The following SBF2 variants were observed in gnomAD, a reference collection of about 807,000 sequenced individuals.
The protein encoded by SBF2 is myotubularin-related protein 13.
A neutral mutation model predicts 225.2 loss-of-function variants in SBF2; 112 were observed. The observed-to-expected ratio is 0.50, with a 90% confidence interval of 0.43 to 0.58. The LOEUF is 0.58. SBF2 is among the 20% of genes least tolerant of loss of function. SBF2 has a pLI of 0.00. For synonymous variants in SBF2, 763 were observed against 773.3 expected, an observed-to-expected ratio of 0.99 and a Z score of 0.22; for missense variants, 1,996 against 2,206.2, an observed-to-expected ratio of 0.90 and a Z score of 1.91.
chr11:10,161,184 C>CA (rs56779207), intron 2 of SBF2, among the ~76,000 whole-genome samples: 8,010 of 75,124 alleles, frequency 0.11, 445 homozygotes, highest in Non-Finnish European at 0.13. Flanking sequence ...GACTCTGTCT[C>CA]AAAAAAAAAA....
intron 1 of SBF2, among the ~76,000 whole-genome samples, chr11:10,250,314 G>T (rs1037749369): frequency 6.6e-6 from 1 of 152,140 alleles, no homozygotes; most frequent in East Asian, 1.9e-4. Flanking sequence ...CTAAATTGTA[G>T]AAACAAGTGG....
At chr11:9,839,467 A>C (rs960856427) in intron 26 of SBF2, 31 bp downstream of exon 26, 1 of 1,598,822 alleles carries the variant, frequency 6.3e-7, no homozygotes, top group Non-Finnish European at 8.6e-7. Flanking sequence ...AGGAAGGAAG[A>C]CCTCTTTTTG....
intron 1 of SBF2, among the ~76,000 whole-genome samples, chr11:10,243,105 A>G (rs1959389821): frequency 1.3e-5 from 2 of 152,192 alleles, no homozygotes; most frequent in Admixed American, 6.5e-5. Context: ...CCTAACAAAT[A>G]TAAGAAGTTT....
At chr11:9,908,024 C>T (rs751643628) in intron 16 of SBF2, among the ~76,000 whole-genome samples, 4 of 152,138 alleles carry the variant, frequency 2.6e-5, no homozygotes, top group Non-Finnish European at 5.9e-5. Flanking sequence ...GTTCTCTTGC[C>T]TCTCAAGTAA....
chr11:10,293,990 G>A (rs1964349921), intron 1 of SBF2, 25 bp downstream of exon 1: 1 of 1,330,154 alleles, frequency 7.5e-7, no homozygotes, highest in East Asian at 3.2e-5. Context: ...GGAGGCCCGG[G>A]GGCGGTGCCG....
At chr11:9,853,368 T>A (rs1393555773) in intron 20 of SBF2, among the ~76,000 whole-genome samples, 172 bp downstream of exon 20, 1 of 152,238 alleles carries the variant, frequency 6.6e-6, no homozygotes, top group Non-Finnish European at 1.5e-5. Context: ...ACACTTAGAT[T>A]ATTTTATGTT....
rs1964361037 is a variant in SBF2 at position 10,294,132 on chromosome 11, C to T, written c.-63G>A. 7 of 1,250,968 alleles carry T rather than the reference C, an allele frequency of 5.6e-6. No homozygotes were observed. In the African/African-American group the frequency reaches 9.5e-5, roughly 17 times the overall value. The allele number at this position is 1,250,968 out of a possible 1,614,324, so 77.5% of individuals were successfully genotyped here. A position where few individuals can be genotyped will look rare whatever the true frequency, so the allele number is the denominator to read the frequency against. ...GCCGCCCTCGCCGCCGCCGCCCACC[C>T]GGCCCGGGAGGGCTCAGCATTTTCC... is the stretch of plus-strand genomic sequence containing the variant. On this transcript the variant is annotated 5_prime_UTR_variant, in exon 1 of 40. Transcript: ENST00000256190.
intron 26 of SBF2, among the ~76,000 whole-genome samples, chr11:9,835,409 A>C (rs1165847770): frequency 6.6e-6 from 1 of 152,046 alleles, no homozygotes; most frequent in African/African-American, 2.4e-5. Flanking sequence ...GCTTGAGCCT[A>C]GGAGTTTGAG....
intron 1 of SBF2, among the ~76,000 whole-genome samples, chr11:10,277,676 T>G (rs933488180): frequency 4.6e-5 from 7 of 152,126 alleles, no homozygotes; most frequent in African/African-American, 1.7e-4. Flanking sequence ...GAGCCCTAAA[T>G]CCAATGATTA....
chr11:10,133,224 G>A (rs1472513957), intron 2 of SBF2, among the ~76,000 whole-genome samples: 1 of 149,534 alleles, frequency 6.7e-6, no homozygotes, highest in Non-Finnish European at 1.5e-5. Flanking sequence ...ATCAGACTCA[G>A]GAGCCCAGCT....
chr11:9,815,898 A>T (rs988863390), intron 29 of SBF2, among the ~76,000 whole-genome samples: 1 of 152,184 alleles, frequency 6.6e-6, no homozygotes. Context: ...GTGGGAGAAG[A>T]GCTAGCAAAG....
At chr11:10,205,330 G>T (rs1957717045) in intron 1 of SBF2, among the ~76,000 whole-genome samples, 1 of 151,838 alleles carries the variant, frequency 6.6e-6, no homozygotes, top group Non-Finnish European at 1.5e-5. Context: ...ATGAATCTCT[G>T]ATCAGACACA....
chr11:10,043,829 C>T (rs1293557596), intron 2 of SBF2, among the ~76,000 whole-genome samples: 2 of 152,134 alleles, frequency 1.3e-5, no homozygotes, highest in Non-Finnish European at 2.9e-5. Flanking sequence ...CTGTGTCAGT[C>T]TCCCAAAGTG....
intron 2 of SBF2, among the ~76,000 whole-genome samples, chr11:10,105,814 G>A (rs1220655963): frequency 2.0e-5 from 3 of 152,178 alleles, no homozygotes; most frequent in Non-Finnish European, 2.9e-5. Flanking sequence ...AGATTCTATA[G>A]CTATATCAAA....
intron 1 of SBF2, among the ~76,000 whole-genome samples, chr11:10,196,856 A>ATTT (rs1294974721): frequency 2.8e-4 from 5 of 17,836 alleles, no homozygotes; most frequent in Admixed American, 1.4e-3. Context: ...ATATATATAT[A>ATTT]TATATATATA....
At chr11:10,223,417 A>ATTAC (rs1565371321) in intron 1 of SBF2, among the ~76,000 whole-genome samples, 2 of 88,462 alleles carry the variant, frequency 2.3e-5, no homozygotes, top group Non-Finnish European at 5.7e-5. Flanking sequence ...ATATATATAT[A>ATTAC]TATATATATA....
At chr11:10,076,687 C>G (rs544676013) in intron 2 of SBF2, among the ~76,000 whole-genome samples, 1 of 152,344 alleles carries the variant, frequency 6.6e-6, no homozygotes, top group Admixed American at 6.5e-5. Flanking sequence ...AAAGCATGGA[C>G]TTCAGGCAGG....
intron 2 of SBF2, among the ~76,000 whole-genome samples, chr11:10,180,225 T>C (rs550750007): frequency 6.6e-6 from 1 of 152,306 alleles, no homozygotes; most frequent in East Asian, 1.9e-4. Flanking sequence ...TTTTTCTTTC[T>C]GATGGAGCTA....
intron 9 of SBF2, among the ~76,000 whole-genome samples, chr11:9,997,550 G>A (rs759239882): frequency 5.9e-5 from 9 of 152,102 alleles, no homozygotes; most frequent in East Asian, 1.9e-4. Flanking sequence ...AGGCCAAAGC[G>A]GGCAGATCAC....
Sources: allele counts gnomAD v4.1 joint callset (sites outside exome capture counted in the v4.1 genomes callset), GRCh38; gene constraint gnomAD v4.1.1; transcripts MANE v1.5; gene names NCBI Gene and HGNC (gene_info 2026-07-23, HGNC 2026-07-21).